FEZ1: variants seen among roughly 807,000 people sequenced by gnomAD.
FEZ1 encodes fasciculation and elongation protein zeta-1.
A neutral mutation model predicts 49.3 loss-of-function variants in FEZ1; 20 were observed. The ratio of observed to expected loss-of-function variants is 0.41; its 90% confidence interval spans 0.29 to 0.59. The LOEUF (loss-of-function observed/expected upper bound fraction) is 0.59, where lower values mean the gene tolerates loss of function less well. Among genes scored for constraint, FEZ1 ranks in the 20% least tolerant of loss-of-function variants. The pLI, the probability that FEZ1 is intolerant of heterozygous loss-of-function variation, is 0.36. For missense variants in FEZ1, 413 were observed against 476.0 expected (o/e 0.87, Z 1.23); for synonymous variants, 170 against 180.9 (o/e 0.94, Z 0.48).
At chr11:125,479,745 C>T (rs7110842) in intron 3 of FEZ1, among the ~76,000 whole-genome samples, 100,260 of 151,964 alleles carry the variant, frequency 0.66, 34,294 homozygotes, top group East Asian at 0.92. Flanking sequence ...GAAAGCAGGT[C>T]CTCACCAGAT....
intron 3 of FEZ1, among the ~76,000 whole-genome samples, chr11:125,467,819 T>C (rs528130293): frequency 7.9e-5 from 12 of 152,306 alleles, no homozygotes; most frequent in African/African-American, 2.9e-4. Flanking sequence ...CTAGCCTGGG[T>C]GACATAGTGA....
At chr11:125,476,615 T>A (rs1249178746) in intron 3 of FEZ1, among the ~76,000 whole-genome samples, 2 of 151,648 alleles carry the variant, frequency 1.3e-5, no homozygotes, top group Non-Finnish European at 1.5e-5. Flanking sequence ...GAAAAGAACA[T>A]CCTAAAAGCT....
chr11:125,475,323 TC>T (rs1957221715), intron 3 of FEZ1, among the ~76,000 whole-genome samples: 1 of 146,656 alleles, frequency 6.8e-6, no homozygotes, highest in South Asian at 2.2e-4. Flanking sequence ...TTGTAAATAA[TC>T]ACTTGAAAAG....
intron 3 of FEZ1, among the ~76,000 whole-genome samples, chr11:125,474,331 C>A (rs1957210306): frequency 6.6e-6 from 1 of 151,798 alleles, no homozygotes; most frequent in Non-Finnish European, 1.5e-5. Flanking sequence ...AGCTACCACG[C>A]CCGGCCTAAT....
chr11:125,487,864 T>G (rs551269027), intron 2 of FEZ1, among the ~76,000 whole-genome samples: 57 of 152,274 alleles, frequency 3.7e-4, no homozygotes, highest in African/African-American at 1.3e-3. Context: ...CCTCTATGTG[T>G]AAAAGTAGAG....
chr11:125,495,444 C>A lies in FEZ1; in HGVS notation c.-46+677G>T, dbSNP rs958131864. The A allele has an allele frequency of 6.4e-6, 3 of 470,350 alleles. No homozygotes were observed. The highest frequency in any genetic ancestry group is 1.3e-5 in the Non-Finnish European group (3 of 226,584). 29.1% of individuals were successfully genotyped at this position (470,350 alleles called of 1,614,324 possible). A position where few individuals can be genotyped will look rare whatever the true frequency, so the allele number is the denominator to read the frequency against. ...ATTCCAGAGCCCGGGGCCCACCCGA[C>A]GGCAGCGCGCCCCGCCACCGCGCAG... On this transcript the variant is annotated intron_variant, in intron 1 of 9. Transcript: ENST00000278919. This position sits in a 1 kb window ranked among gnomAD's most constrained non-coding sequence, Gnocchi z 4.2.
rs533396039 is a variant in FEZ1, at chr11:125,456,671, A to T, written c.668-565T>A. 3.9e-5 allele frequency among the ~76,000 whole-genome samples: 6 copies of T among 152,346 alleles called. No homozygotes were observed. In the South Asian group the frequency reaches 1.2e-3, roughly 32 times the overall value. ...AAGATTGGTGACTATGCATGAAAAA[A>T]TAAAGCCTAGCGGGTTAGCATACGG... On this transcript the variant is annotated intron_variant, in intron 5 of 9. Coordinates refer to ENST00000278919, the MANE Select transcript of FEZ1 (RefSeq NM_005103.5).
Position 125,445,084 on chromosome 11 carries a change from C to T in FEZ1, c.*1011G>A, listed in dbSNP as rs1421354420. 6.6e-6 allele frequency among the ~76,000 whole-genome samples: 1 copy of T among 152,180 alleles called. No homozygotes were observed. The highest frequency in any genetic ancestry group is 1.5e-5 in the Non-Finnish European group (1 of 68,038). ...AGCATCCGGGATACGAGGAGACCTT[C>T]GCCTGCTGGTTGGTCAAGGCTGGCA... On this transcript the variant is annotated 3_prime_UTR_variant, in exon 10 of 10. Coordinates refer to ENST00000278919, the MANE Select transcript of FEZ1 (RefSeq NM_005103.5). The surrounding 1 kb of genome is among the most constrained non-coding windows in gnomAD (Gnocchi z 4.4).
chr11:125,449,237 G>A (rs1473365028), intron 8 of FEZ1, among the ~76,000 whole-genome samples: 3 of 148,192 alleles, frequency 2.0e-5, no homozygotes, highest in Admixed American at 2.0e-4. Flanking sequence ...GTAAAGATGA[G>A]GTTTTGCCAT....
At chr11:125,457,414 A>G (rs1170695934) in intron 5 of FEZ1, among the ~76,000 whole-genome samples, 3 of 39,820 alleles carry the variant, frequency 7.5e-5, no homozygotes, top group African/African-American at 2.7e-4. Context: ...AAAAAAAAAA[A>G]AAAAAAAAAA....
At position 125,444,164 on chromosome 11, in the gene FEZ1, CTCTA is replaced by C. The variant is rs1956876636; in HGVS notation, c.*1927_*1930del. 1.3e-5 allele frequency among the ~76,000 whole-genome samples: 2 copies of C among 152,190 alleles called. No homozygotes were observed. The highest frequency in any genetic ancestry group is 2.9e-5 in the Non-Finnish European group (2 of 68,044). On this transcript the variant is annotated 3_prime_UTR_variant, in exon 10 of 10. Transcript: ENST00000278919. ...TTCCATGCTCCTGTGGCAGCCGGGG[CTCTA>C]TCTATGGAGAAGCTCTGCTCTGGGC...
At chr11:125,475,678 C>A (rs1957224478) in intron 3 of FEZ1, among the ~76,000 whole-genome samples, 1 of 151,938 alleles carries the variant, frequency 6.6e-6, no homozygotes, top group African/African-American at 2.4e-5. Context: ...TACAACAAAC[C>A]CCCATGACAC....
intron 9 of FEZ1, 50 bp from the exon 10 acceptor site, chr11:125,446,161 G>A: frequency 6.2e-7 from 1 of 1,600,554 alleles, no homozygotes; most frequent in Non-Finnish European, 8.6e-7. Flanking sequence ...AGTTGCAGGT[G>A]GGGACCTCCG....
chr11:125,462,995 G>A (rs1957090364), intron 4 of FEZ1, among the ~76,000 whole-genome samples: 2 of 138,828 alleles, frequency 1.4e-5, no homozygotes, highest in African/African-American at 5.4e-5. Flanking sequence ...GTGAGACCCT[G>A]TCTCAAAATG....
At chr11:125,458,795 G>T (rs964775962) in intron 5 of FEZ1, among the ~76,000 whole-genome samples, 1 of 152,146 alleles carries the variant, frequency 6.6e-6, no homozygotes, top group South Asian at 2.1e-4. Flanking sequence ...CGGGCCGGGC[G>T]CAGTGGGTCA....
At chr11:125,454,276 C>T (rs1956986380) in intron 6 of FEZ1, 66 bp from the exon 7 acceptor site, 3 of 1,244,752 alleles carry the variant, frequency 2.4e-6, no homozygotes, top group Admixed American at 3.8e-5. Context: ...ACCCAGGGAC[C>T]TCTCAGCTAC....
At chr11:125,469,640 T>A (rs911263292) in intron 3 of FEZ1, among the ~76,000 whole-genome samples, 5 of 152,074 alleles carry the variant, frequency 3.3e-5, no homozygotes, top group African/African-American at 1.2e-4. Context: ...CATAGCTCAC[T>A]GTAGCCTCAA....
Position 125,489,524 on chromosome 11 carries a change from G to A in FEZ1, c.254C>T (p.Ala85Val), listed in dbSNP as rs1957361720. Residue 85 changes from alanine (A) to valine (V), a missense_variant, in exon 2 of 10, where the codon GCT becomes GTT. Transcript: ENST00000278919. This position sits in a 1 kb window ranked among gnomAD's most constrained non-coding sequence, Gnocchi z 4.2. Reference protein sequence around the residue: ...RNYNAKTENLAPVKNQLQIQE... With the variant: ...RNYNAKTENLVPVKNQLQIQE... ...GATCTGTAACTGGTTCTTCACGGGAGCTAGGTTCTCGGTCTTGGCGTTGTA... is the reference window on the plus strand; with the variant it reads ...GATCTGTAACTGGTTCTTCACGGGAACTAGGTTCTCGGTCTTGGCGTTGTA... 2 of 1,614,142 alleles carry A rather than the reference G, an allele frequency of 1.2e-6. No homozygotes were observed. Among genetic ancestry groups the A allele is most frequent in the Non-Finnish European group, 1.7e-6 (2 of 1,179,972 alleles).
intron 4 of FEZ1, 49 bp from the exon 5 acceptor site, chr11:125,460,715 G>C (rs1957067184): frequency 6.5e-7 from 1 of 1,537,988 alleles, no homozygotes; most frequent in Non-Finnish European, 8.9e-7. Context: ...TGCTAGAGGG[G>C]CATTCTGGCT....
Sources: gnomAD v4.1 joint callset for allele counts (sites outside exome capture counted in the v4.1 genomes callset) on GRCh38, gnomAD v4.1.1 for gene constraint, Gnocchi (gnomAD v3.1) non-coding constraint, MANE v1.5 for transcripts, NCBI Gene and HGNC (gene_info 2026-07-23, HGNC 2026-07-21) for gene names.